The following DZIP1 variants were observed in gnomAD, a reference collection of about 807,000 sequenced individuals.
The protein encoded by DZIP1 is cilium assembly protein DZIP1.
Under a neutral mutation model 107.6 loss-of-function variants are expected in DZIP1, and 97 were observed. The observed-to-expected ratio is 0.90, with a 90% CI of 0.77 to 1.07. The LOEUF is 1.07. Ranked by LOEUF, DZIP1 falls within the 50% of genes least tolerant of loss-of-function variation. The pLI is 0.00. For synonymous variants in DZIP1, 390 were observed against 386.4 expected (o/e 1.01, Z -0.11); for missense variants, 1,035 against 1,063.6 (o/e 0.97, Z 0.37).
rs929204397 is a variant in DZIP1, at chr13:95,605,864, T to C, written c.1477+139A>G. 7.2e-6 allele frequency: 6 copies of C among 833,152 alleles called. No individual in the cohort carries two copies. In the South Asian group the frequency reaches 1.0e-4, roughly 15 times the overall value. 51.6% of individuals were successfully genotyped at this position (833,152 alleles called of 1,614,324 possible). The stretch of plus-strand genomic sequence containing the variant: ...CAATATTACACATGAAGACTGCAGT[T>C]TTAATAACTGTTTTGCAATCACTAA... On this transcript the variant is annotated intron_variant, in intron 14 of 22. Coordinates refer to ENST00000376829, the MANE Select transcript of DZIP1 (RefSeq NM_198968.4).
intron 7 of DZIP1, among the ~76,000 whole-genome samples, chr13:95,626,276 G>A (rs1284053274): frequency 6.6e-6 from 1 of 152,176 alleles, no homozygotes; most frequent in African/African-American, 2.4e-5. Flanking sequence ...GAAAGCAACA[G>A]AGAGAATAGA....
Position 95,582,029 on chromosome 13 carries a change from TTACATGCTTCGAAA to T in DZIP1, c.*191_*204del. ...GCAGCAGCGGAAGTCTTAAACACCT[TTACATGCTTCGAAA>T]TACTGTTGATGATCTGATTTTCAAT... On this transcript the variant is annotated 3_prime_UTR_variant, in exon 23 of 23. Transcript: ENST00000376829. The T allele has an allele frequency of 1.9e-6, 1 of 520,896 alleles. No homozygotes were observed. The highest frequency in any genetic ancestry group is 3.4e-6 in the Non-Finnish European group (1 of 295,298). 32.3% of individuals were successfully genotyped at this position (520,896 alleles called of 1,614,324 possible).
chr13:95,629,611 C>T (rs147054351), intron 7 of DZIP1, among the ~76,000 whole-genome samples: 2,070 of 152,222 alleles, frequency 0.014, 35 homozygotes, highest in South Asian at 0.033. Context: ...AGGAACTGAA[C>T]TCTGCCAGCA....
intron 10 of DZIP1, chr13:95,617,957 G>A (rs767499881): frequency 3.9e-6 from 2 of 519,012 alleles, no homozygotes; most frequent in Non-Finnish European, 7.7e-6. Context: ...GAGGAACGAG[G>A]GTGCCATTTG....
Position 95,610,575 on chromosome 13 carries a change from G to A in DZIP1, c.1363+870C>T, listed in dbSNP as rs372600612. On this transcript the variant is annotated intron_variant, in intron 12 of 22. Coordinates refer to ENST00000376829, the MANE Select transcript of DZIP1 (RefSeq NM_198968.4). ...TTCCTGCCTTGGCCTCCCAAAATGC[G>A]GGCATTACAAATGTGAGCAACTGTG... Among the ~76,000 whole-genome samples the A allele has an allele frequency of 6.8e-4, 104 of 152,116 alleles. 3 individuals are homozygous for A. The South Asian group carries it at 0.018, about 27-fold the overall frequency.
At chr13:95,598,159 G>T (rs2044511627) in intron 15 of DZIP1, among the ~76,000 whole-genome samples, 1 of 152,158 alleles carries the variant, frequency 6.6e-6, no homozygotes, top group Non-Finnish European at 1.5e-5. Context: ...TCTGAAAGAA[G>T]CAGGTTTCTA....
At chr13:95,625,223 A>G (rs1343751656) in intron 7 of DZIP1, among the ~76,000 whole-genome samples, 2 of 152,224 alleles carry the variant, frequency 1.3e-5, no homozygotes, top group Admixed American at 6.5e-5. Context: ...CATAATATAT[A>G]AAATGTAAAT....
chr13:95,595,448 T>C (rs1019266098), intron 15 of DZIP1, among the ~76,000 whole-genome samples: 2 of 152,244 alleles, frequency 1.3e-5, no homozygotes, highest in Middle Eastern at 3.2e-3. Flanking sequence ...GTGATAAAAC[T>C]GCATATAATT....
In DZIP1 at chr13:95,601,060, G is replaced by A. The variant is rs61514644; in HGVS notation, c.1478-1636C>T. On this transcript the variant is annotated intron_variant, in intron 14 of 22. Transcript: ENST00000376829. The stretch of plus-strand genomic sequence containing the variant: ...AGGAAACTTTTAATAAAACTTTCAT[G>A]AAATAATCTCACACATATTTATTAT... Among the ~76,000 whole-genome samples, 1,505 of 152,270 alleles carry A rather than the reference G, an allele frequency of 9.9e-3. 19 individuals are homozygous for A. Among genetic ancestry groups the A allele is most frequent in the Middle Eastern group, 0.02 (6 of 294 alleles).
chr13:95,619,511 C>T (rs780661539), intron 10 of DZIP1, among the ~76,000 whole-genome samples: 11 of 152,064 alleles, frequency 7.2e-5, no homozygotes, highest in Non-Finnish European at 1.3e-4. Context: ...TTAATGATAC[C>T]AATGCATCGT....
In DZIP1 at chr13:95,580,966, G is replaced by A. The variant is rs1200454883; in HGVS notation, c.*1268C>T. 1 of 152,232 alleles carries A rather than the reference G, an allele frequency of 6.6e-6. No homozygotes were observed. The highest frequency in any genetic ancestry group is 1.5e-5 in the Non-Finnish European group (1 of 68,056). The allele number at this position is 152,232 out of a possible 1,614,324, so 9.4% of individuals were successfully genotyped here. On this transcript the variant is annotated 3_prime_UTR_variant, in exon 23 of 23. Coordinates refer to ENST00000376829, the MANE Select transcript of DZIP1 (RefSeq NM_198968.4). ...GGCTACAAGTAAAAAGGATCCCAGG[G>A]TGGGTGGAAACAGATAAAGATTTGT...
At chr13:95,596,353 AT>A (rs1374343988) in intron 15 of DZIP1, among the ~76,000 whole-genome samples, 4 of 152,210 alleles carry the variant, frequency 2.6e-5, no homozygotes, top group Non-Finnish European at 5.9e-5. Flanking sequence ...GATCAGTTTT[AT>A]CAGACATACA....
intron 22 of DZIP1, among the ~76,000 whole-genome samples, chr13:95,582,610 T>C (rs2044039829): frequency 6.6e-6 from 1 of 152,186 alleles, no homozygotes; most frequent in Non-Finnish European, 1.5e-5. Context: ...AGCATTCAGC[T>C]CAGGGCCTGG....
rs75993440 is a variant in DZIP1, at chr13:95,630,281, G to A, written c.686-168C>T. On this transcript the variant is annotated intron_variant, in intron 6 of 22. Coordinates refer to ENST00000376829, the MANE Select transcript of DZIP1 (RefSeq NM_198968.4). ...ATTTTTGCTCTTTAGTTTATTTGGA[G>A]CCCAGTGTATTTTGGGGCACTGAAT... Among the ~76,000 whole-genome samples, 86 of 152,232 alleles carry A rather than the reference G, an allele frequency of 5.6e-4. 3 individuals carry two copies. The East Asian group carries it at 0.016, about 29-fold the overall frequency.
In DZIP1 at chr13:95,641,389, C is replaced by G. The variant is rs892557621; in HGVS notation, c.503G>C (p.Gly168Ala). The change falls in exon 5 of 23, where the codon GGG becomes GCG. Residue 168 changes from glycine (G) to alanine (A), a missense_variant. Gly to Ala is a moderately conservative substitution (Grantham distance 60). Transcript: ENST00000376829. The surrounding 1 kb of genome is among the most constrained non-coding windows in gnomAD (Gnocchi z 4.3). The part of the protein sequence containing the change: ...QSKKLLTKQA[G>A]EIKTLKEECK... ...CTCTTCCTTGAGCGTCTTGATCTCC[C>G]CCGCCTGCTTGGTGAGCAGCTTCTT... 2 of 1,614,002 alleles carry G rather than the reference C, an allele frequency of 1.2e-6. No homozygotes were observed. Among genetic ancestry groups the G allele is most frequent in the African/African-American group, 1.3e-5 (1 of 74,934 alleles).
At chr13:95,595,166 T>C (rs1192380490) in intron 15 of DZIP1, among the ~76,000 whole-genome samples, 1 of 152,238 alleles carries the variant, frequency 6.6e-6, no homozygotes, top group Admixed American at 6.5e-5. Flanking sequence ...GACTCTCCCT[T>C]CTGCTGCTGC....
At chr13:95,633,180 A>G (rs1275327715) in intron 6 of DZIP1, 54 bp downstream of exon 6, 3 of 1,539,592 alleles carry the variant, frequency 1.9e-6, no homozygotes, top group Admixed American at 3.4e-5. Flanking sequence ...TCTCATTGCC[A>G]AAAGAAAAAG....
intron 14 of DZIP1, among the ~76,000 whole-genome samples, chr13:95,601,689 G>A (rs777252731): frequency 7.2e-5 from 11 of 152,140 alleles, no homozygotes; most frequent in Admixed American, 1.3e-4. Flanking sequence ...CTGTGAATCC[G>A]GACTGCCTGC....
chr13:95,593,527 T>A (rs1229621300), intron 16 of DZIP1, among the ~76,000 whole-genome samples: 1 of 152,234 alleles, frequency 6.6e-6, no homozygotes, highest in African/African-American at 2.4e-5. Context: ...CATTCATCCA[T>A]TCATTCAACA....
Sources: allele counts gnomAD v4.1 joint callset (sites outside exome capture counted in the v4.1 genomes callset), GRCh38; gene constraint gnomAD v4.1.1; non-coding constraint Gnocchi (gnomAD v3.1); transcripts MANE v1.5; gene names NCBI Gene and HGNC (gene_info 2026-07-23, HGNC 2026-07-21).